The following RBMS3 variants were observed in gnomAD, a reference collection of about 807,000 sequenced individuals.
The protein encoded by RBMS3 is RNA binding motif single stranded interacting protein 3.
In RBMS3, 27 loss-of-function variants were observed where a neutral mutation model predicts 66.8. The ratio of observed to expected loss-of-function variants is 0.40; its 90% CI spans 0.30 to 0.56. The LOEUF (loss-of-function observed/expected upper bound fraction) is 0.56. Among genes scored for constraint, RBMS3 ranks in the 20% least tolerant of loss-of-function variants. RBMS3 has a pLI of 0.40. For missense variants in RBMS3, 513 were observed against 549.5 expected (o/e 0.93, Z 0.66); for synonymous variants, 188 against 183.0 (o/e 1.03, Z -0.22).
At chr3:29,682,431 G>A (rs1238626226) in intron 4 of RBMS3, among the ~76,000 whole-genome samples, 1 of 152,222 alleles carries the variant, frequency 6.6e-6, no homozygotes, top group East Asian at 1.9e-4. Flanking sequence ...GGGATGACAG[G>A]CATGAACCAC....
rs538730198 is a variant in RBMS3, at chr3:29,356,055, T to A, written c.75+74299T>A. ...CAAAACCAGAAGTTATTGAAAGAGA[T>A]GTGATTGTAACCATCTTTGTTTTTG... is the stretch of plus-strand genomic sequence containing the variant. On this transcript the variant is annotated intron_variant, in intron 1 of 14. Transcript: ENST00000383767. Among the ~76,000 whole-genome samples, 63 of 152,306 alleles carry A rather than the reference T, an allele frequency of 4.1e-4. No individual in the cohort carries two copies. In the Middle Eastern group the frequency reaches 0.014, roughly 33 times the overall value.
intron 10 of RBMS3, 145 bp downstream of exon 10, chr3:29,899,900 G>A: frequency 1.4e-6 from 1 of 704,764 alleles, no homozygotes; most frequent in East Asian, 2.8e-5. Flanking sequence ...AGCTGTTCCT[G>A]AAATTCTACA....
At chr3:29,630,307 A>G (rs139475321) in intron 4 of RBMS3, among the ~76,000 whole-genome samples, 133 of 152,204 alleles carry the variant, frequency 8.7e-4, no homozygotes, top group African/African-American at 3.1e-3. Context: ...ACTAACAGCA[A>G]CTGTTCAAGT....
intron 4 of RBMS3, among the ~76,000 whole-genome samples, chr3:29,662,892 A>C (rs1262624727): frequency 6.6e-6 from 1 of 152,188 alleles, no homozygotes; most frequent in Non-Finnish European, 1.5e-5. Flanking sequence ...TTCTTCTAAG[A>C]GTATCTTTAG....
chr3:29,882,339 C>A (rs2059756355), intron 7 of RBMS3, among the ~76,000 whole-genome samples: 2 of 152,046 alleles, frequency 1.3e-5, no homozygotes, highest in East Asian at 3.9e-4. Context: ...AACCTTTTTT[C>A]TTTTCTGCTG....
chr3:29,570,534 G>A (rs2046916283), intron 3 of RBMS3, among the ~76,000 whole-genome samples: 1 of 151,952 alleles, frequency 6.6e-6, no homozygotes, highest in African/African-American at 2.4e-5. Flanking sequence ...GTGTTCAATT[G>A]TTTTGATTTT....
intron 6 of RBMS3, among the ~76,000 whole-genome samples, chr3:29,822,195 A>G (rs2058092383): frequency 6.6e-6 from 1 of 152,142 alleles, no homozygotes; most frequent in Admixed American, 6.6e-5. Context: ...ACTCTGTGTC[A>G]TTCACCACTT....
intron 6 of RBMS3, among the ~76,000 whole-genome samples, chr3:29,795,614 T>C (rs1035415748): frequency 5.3e-5 from 8 of 152,190 alleles, no homozygotes; most frequent in African/African-American, 1.9e-4. Flanking sequence ...AATTAATTGA[T>C]AAATGGTAGT....
intron 11 of RBMS3, among the ~76,000 whole-genome samples, chr3:29,939,457 C>T (rs929023258): frequency 1.3e-5 from 2 of 151,886 alleles, no homozygotes; most frequent in Admixed American, 6.6e-5. Context: ...AGCCACTATT[C>T]CATTGGTAGT....
At chr3:29,997,672 T>C (rs1191456592) in intron 14 of RBMS3, among the ~76,000 whole-genome samples, 1 of 151,796 alleles carries the variant, frequency 6.6e-6, no homozygotes, top group Non-Finnish European at 1.5e-5. Flanking sequence ...AAAAACCACA[T>C]GATTATCTCA....
intron 10 of RBMS3, among the ~76,000 whole-genome samples, chr3:29,910,817 G>A (rs945035911): frequency 6.6e-6 from 1 of 151,662 alleles, no homozygotes; most frequent in Non-Finnish European, 1.5e-5. Context: ...TGGCGTGTAC[G>A]GATTAATCAG....
intron 6 of RBMS3, among the ~76,000 whole-genome samples, chr3:29,802,509 T>A (rs1178329168): frequency 6.6e-6 from 1 of 152,194 alleles, no homozygotes; most frequent in African/African-American, 2.4e-5. Flanking sequence ...CAATACTTAC[T>A]GAAATATAAC....
intron 4 of RBMS3, among the ~76,000 whole-genome samples, chr3:29,696,409 G>A (rs1260392150): frequency 1.3e-5 from 2 of 149,686 alleles, no homozygotes; most frequent in South Asian, 2.1e-4. Flanking sequence ...AATTAAAAAC[G>A]ATCATTTGTA....
At chr3:29,882,826 A>C (rs1040095063) in intron 7 of RBMS3, among the ~76,000 whole-genome samples, 2 of 152,052 alleles carry the variant, frequency 1.3e-5, no homozygotes, top group African/African-American at 4.8e-5. Flanking sequence ...TTTTCTTTAA[A>C]ATGTCTATGG....
At chr3:29,787,445 A>G (rs1414201044) in intron 6 of RBMS3, among the ~76,000 whole-genome samples, 1 of 151,868 alleles carries the variant, frequency 6.6e-6, no homozygotes, top group Non-Finnish European at 1.5e-5. Context: ...ATGCCCACCA[A>G]TCAATGAGTA....
intron 2 of RBMS3, among the ~76,000 whole-genome samples, chr3:29,472,734 G>A (rs1318128687): frequency 8.5e-6 from 1 of 117,206 alleles, no homozygotes; most frequent in African/African-American, 3.1e-5. Flanking sequence ...CAGGAGTGAA[G>A]CTGCAGACCT....
chr3:29,401,075 A>G (rs555403209), intron 1 of RBMS3, among the ~76,000 whole-genome samples: 29 of 152,208 alleles, frequency 1.9e-4, no homozygotes, highest in African/African-American at 6.5e-4. Context: ...GCACGATACA[A>G]TAACAGCTCT....
intron 5 of RBMS3, among the ~76,000 whole-genome samples, chr3:29,755,348 A>G (rs2055363489): frequency 6.6e-6 from 1 of 152,198 alleles, no homozygotes; most frequent in African/African-American, 2.4e-5. Flanking sequence ...TTTATCTCTT[A>G]CATGCTTCTT....
chr3:29,826,235 T>C (rs9836835), intron 6 of RBMS3, among the ~76,000 whole-genome samples: 1 of 152,194 alleles, frequency 6.6e-6, no homozygotes, highest in East Asian at 1.9e-4. Context: ...AACTTATGCC[T>C]TTATAAGCTG....
Sources: gnomAD v4.1 joint callset for allele counts (sites outside exome capture counted in the v4.1 genomes callset) on GRCh38, gnomAD v4.1.1 for gene constraint, MANE v1.5 for transcripts, NCBI Gene and HGNC (gene_info 2026-07-23, HGNC 2026-07-21) for gene names.